Variants in IQCE observed in about 807,000 individuals in gnomAD.
IQCE encodes the protein IQ domain-containing protein E.
In IQCE, 115 loss-of-function variants were observed where a neutral mutation model predicts 96.0. The observed-to-expected ratio is 1.20, with a 90% CI of 1.03 to 1.40. The LOEUF (loss-of-function observed/expected upper bound fraction) is 1.40, where lower values mean the gene tolerates loss of function less well. Ranked by LOEUF, IQCE falls within the 40% of genes most tolerant of loss-of-function variation. The pLI, the probability that IQCE is intolerant of heterozygous loss-of-function variation, is 0.00. For missense variants in IQCE, 1,041 were observed against 909.1 expected (o/e 1.15, Z -1.87); for synonymous variants, 412 against 371.2 (o/e 1.11, Z -1.26).
rs538450338 is a variant in IQCE at position 2,584,852 on chromosome 7, T to C, written c.824+567T>C. 9.8e-5 allele frequency among the ~76,000 whole-genome samples: 15 copies of C among 152,326 alleles called. No individual in the cohort carries two copies. In the South Asian group the frequency reaches 3.1e-3, roughly 32 times the overall value. ...AATCCTTAAAACTGGTTGGAAAACT[T>C]TTTCTGTAAAGGACCAGATGCTAAC... On this transcript the variant is annotated intron_variant, in intron 11 of 21. Transcript: ENST00000402050.
intron 1 of IQCE, among the ~76,000 whole-genome samples, chr7:2,562,573 A>G (rs1781044189): frequency 6.7e-6 from 1 of 148,626 alleles, no homozygotes; most frequent in South Asian, 2.1e-4. Context: ...TTACTTCTAT[A>G]AGGTCAGTAG....
At chr7:2,576,131 G>A (rs898543262) in intron 6 of IQCE, among the ~76,000 whole-genome samples, 4 of 152,164 alleles carry the variant, frequency 2.6e-5, no homozygotes, top group Admixed American at 2.0e-4. Flanking sequence ...CTGAAGTGCC[G>A]AGCCGCCCCC....
rs1469446331 is a variant in IQCE, at chr7:2,607,201, C to T, written c.1943C>T (p.Ser648Phe). The T allele has an allele frequency of 1.2e-6, 2 of 1,613,744 alleles. No homozygotes were observed. The highest frequency in any genetic ancestry group is 1.3e-5 in the African/African-American group (1 of 74,914). The change falls in exon 21 of 22, where the codon TCC (serine) becomes TTC (phenylalanine). Residue 648 changes from serine (S) to phenylalanine (F), a missense_variant. Transcript: ENST00000402050. The stretch of plus-strand genomic sequence containing the variant: ...TCAGCCACACACGGGGACGCCTCCT[C>T]CCCACCCTTCCTCGCAGCTCTTCCT... ...SASATHGDAS[S>F]PPFLAALPDP...
intron 20 of IQCE, among the ~76,000 whole-genome samples, 166 bp from the exon 21 acceptor site, chr7:2,606,958 T>C (rs989291503): frequency 6.6e-6 from 1 of 152,164 alleles, no homozygotes; most frequent in African/African-American, 2.4e-5. Context: ...TTCTGGACCC[T>C]GGGTGCATAT....
At chr7:2,574,296 T>C (rs2128440174) in intron 6 of IQCE, among the ~76,000 whole-genome samples, 1 of 152,350 alleles carries the variant, frequency 6.6e-6, no homozygotes, top group East Asian at 1.9e-4. Context: ...ATTGGCAGCC[T>C]CGTCCCCAGA....
At chr7:2,587,037 G>C (rs1783177764) in intron 12 of IQCE, among the ~76,000 whole-genome samples, 1 of 152,218 alleles carries the variant, frequency 6.6e-6, no homozygotes, top group Non-Finnish European at 1.5e-5. Context: ...TGGCCTGGAT[G>C]GGGGCAGCAG....
At chr7:2,593,932 A>G (rs1783813405) in intron 15 of IQCE, among the ~76,000 whole-genome samples, 2 of 152,346 alleles carry the variant, frequency 1.3e-5, no homozygotes, top group South Asian at 4.1e-4. Context: ...CATATTTAGC[A>G]CTCAGAATAA....
In IQCE at chr7:2,596,180, G is replaced by A. The variant is rs558423775; in HGVS notation, c.1440+1204G>A. On this transcript the variant is annotated intron_variant, in intron 16 of 21. Coordinates refer to ENST00000402050, the MANE Select transcript of IQCE (RefSeq NM_152558.5). ...AGGCAGCGGTGGGAAGATCGCTCGA[G>A]CCCAGGAGGTGGAGGCTGCAGAGAG... is the stretch of plus-strand genomic sequence containing the variant. Among the ~76,000 whole-genome samples the A allele has an allele frequency of 2.6e-5, 4 of 152,230 alleles. No homozygotes were observed. The South Asian group carries it at 8.3e-4, about 32-fold the overall frequency.
At chr7:2,602,495 C>T (rs1784499869) in intron 18 of IQCE, among the ~76,000 whole-genome samples, 1 of 152,160 alleles carries the variant, frequency 6.6e-6, no homozygotes, top group African/African-American at 2.4e-5. Flanking sequence ...TCACTCAGAG[C>T]TGGCGCTGGG....
rs117519897 is a variant in IQCE at position 2,601,500 on chromosome 7, T to C, written c.1632+36T>C. 258 of 1,508,984 alleles carry C rather than the reference T, an allele frequency of 1.7e-4. 2 individuals carry two copies. In the East Asian group the frequency reaches 5.1e-3, roughly 30 times the overall value. 93.5% of individuals were successfully genotyped at this position (1,508,984 alleles called of 1,614,324 possible). Reference sequence around the variant, plus strand: ...TTTATTTCTTGTTTCAAAATTCGGATTTGTATTTTGTTGAAAAGTAGGTGA... The same window carrying C: ...TTTATTTCTTGTTTCAAAATTCGGACTTGTATTTTGTTGAAAAGTAGGTGA... On this transcript the variant is annotated intron_variant, in intron 18 of 21. Coordinates refer to ENST00000402050, the MANE Select transcript of IQCE (RefSeq NM_152558.5).
intron 6 of IQCE, among the ~76,000 whole-genome samples, chr7:2,574,918 C>G (rs1016872922): frequency 2.6e-5 from 4 of 152,208 alleles, no homozygotes; most frequent in Non-Finnish European, 5.9e-5. Flanking sequence ...GTTCTGAAAT[C>G]TCTGTGCGGC....
chr7:2,593,793 G>T (rs1484877088), intron 15 of IQCE, among the ~76,000 whole-genome samples: 2 of 152,168 alleles, frequency 1.3e-5, no homozygotes, highest in Non-Finnish European at 2.9e-5. Context: ...ATTAGAGAGG[G>T]GTGGTAGCTG....
chr7:2,584,423 T>A, intron 11 of IQCE, 138 bp downstream of exon 11: 1 of 821,026 alleles, frequency 1.2e-6, no homozygotes, highest in Non-Finnish European at 2.2e-6. Context: ...GCACCTGTTC[T>A]GTTCAGGGTT....
chr7:2,582,787 CTT>C, intron 9 of IQCE, 137 bp downstream of exon 9: 13 of 671,356 alleles, frequency 1.9e-5, no homozygotes, highest in Non-Finnish European at 2.9e-5. Context: ...TTAGCTGCCT[CTT>C]TTTAATTTTT....
At chr7:2,595,009 G>A in intron 16 of IQCE, 33 bp downstream of exon 16, 2 of 1,449,112 alleles carry the variant, frequency 1.4e-6, no homozygotes, top group African/African-American at 1.4e-5. Flanking sequence ...TCTCCCGTCA[G>A]GTGCGGTGAG....
At chr7:2,593,822 C>T (rs560927597) in intron 15 of IQCE, among the ~76,000 whole-genome samples, 31 of 152,298 alleles carry the variant, frequency 2.0e-4, no homozygotes, top group Admixed American at 1.6e-3. Flanking sequence ...TGTGAAGATG[C>T]TAGAATTCAC....
At chr7:2,607,091 C>T in intron 20 of IQCE, 33 bp from the exon 21 acceptor site, 6 of 1,560,526 alleles carry the variant, frequency 3.8e-6, no homozygotes, top group Non-Finnish European at 4.3e-6. Flanking sequence ...TCTCTAAAAG[C>T]AGAATCAGCT....
At chr7:2,569,671 C>T (rs182695408) in intron 3 of IQCE, among the ~76,000 whole-genome samples, 4 of 152,272 alleles carry the variant, frequency 2.6e-5, no homozygotes, top group South Asian at 2.1e-4. Context: ...AATCCTAGGC[C>T]GGCATCCTGT....
Position 2,607,188 on chromosome 7 carries a change from G to C in IQCE, c.1930G>C (p.Gly644Arg), listed in dbSNP as rs764882617. 3 of 1,613,308 alleles carry C rather than the reference G, an allele frequency of 1.9e-6. No homozygotes were observed. The highest frequency in any genetic ancestry group is 2.5e-6 in the Non-Finnish European group (3 of 1,179,660). ...GAGGAGATCGGCTTCAGCCACACAC[G>C]GGGACGCCTCCTCCCCACCCTTCCT... ...TRRRSASATH[G>R]DASSPPFLAA... The change falls in exon 21 of 22, where the codon GGG (glycine) becomes CGG (arginine). Residue 644 changes from glycine to arginine, a missense_variant. Transcript: ENST00000402050.
Sources: gnomAD v4.1 joint callset for allele counts (sites outside exome capture counted in the v4.1 genomes callset) on GRCh38, gnomAD v4.1.1 for gene constraint, MANE v1.5 for transcripts, NCBI Gene and HGNC (gene_info 2026-07-23, HGNC 2026-07-21) for gene names.